The following C10orf67 variants were observed in gnomAD, a reference collection of about 807,000 sequenced individuals.
C10orf67 encodes chromosome 10 open reading frame 67, also known as uncharacterized protein C10orf67, mitochondrial.
Under a neutral mutation model 35.6 loss-of-function variants are expected in C10orf67, and 60 were observed. The ratio of observed to expected loss-of-function variants is 1.68; its 90% CI spans 1.37 to 2.09. The LOEUF (loss-of-function observed/expected upper bound fraction) is 2.09. Among genes scored for constraint, C10orf67 ranks in the 30% most tolerant of loss-of-function variants. C10orf67 has a pLI of 0.00. For missense variants in C10orf67, 474 were observed against 330.2 expected (o/e 1.44, Z -3.38); for synonymous variants, 167 against 115.8 (o/e 1.44, Z -2.84).
chr10:23,296,104 T>C (rs1843872134), intron 5 of C10orf67, among the ~76,000 whole-genome samples: 1 of 152,234 alleles, frequency 6.6e-6, no homozygotes, highest in Non-Finnish European at 1.5e-5. Context: ...CCATAAGTGT[T>C]TCTTCCTAGT....
intron 15 of C10orf67, among the ~76,000 whole-genome samples, chr10:23,205,154 G>T (rs1841124727): frequency 6.6e-6 from 1 of 152,206 alleles, no homozygotes; most frequent in Non-Finnish European, 1.5e-5. Context: ...GCCTATCTGG[G>T]TCAAGTCTTT....
At chr10:23,282,870 T>C (rs1160836539) in intron 7 of C10orf67, among the ~76,000 whole-genome samples, 1 of 151,792 alleles carries the variant, frequency 6.6e-6, no homozygotes, top group African/African-American at 2.4e-5. Context: ...ATTGAAACAA[T>C]TGAACTTACG....
chr10:23,330,260 C>T lies in C10orf67; in HGVS notation c.327+2802G>A, dbSNP rs547724573. Among the ~76,000 whole-genome samples the T allele has an allele frequency of 3.5e-3, 533 of 151,692 alleles. 3 individuals are homozygous for T. The highest frequency in any genetic ancestry group is 5.5e-3 in the Non-Finnish European group (374 of 67,922). On this transcript the variant is annotated intron_variant, in intron 2 of 15. Coordinates refer to ENST00000636213, the MANE Select transcript of C10orf67 (RefSeq NM_001371909.1). Reference sequence around the variant, plus strand: ...ATCACTCGAGGCCAGGGATTTGGGACCAGCTTGGGCAACATATTGAGACTC... The same window carrying T: ...ATCACTCGAGGCCAGGGATTTGGGATCAGCTTGGGCAACATATTGAGACTC...
chr10:23,310,969 AT>A (rs140964191), intron 4 of C10orf67, among the ~76,000 whole-genome samples: 25 of 149,286 alleles, frequency 1.7e-4, no homozygotes, highest in African/African-American at 3.7e-4. Flanking sequence ...GCTGGCATCT[AT>A]TTTTTTTTTC....
intron 13 of C10orf67, among the ~76,000 whole-genome samples, chr10:23,229,135 G>A (rs765583191): frequency 6.2e-4 from 94 of 152,020 alleles, no homozygotes; most frequent in African/African-American, 2.1e-3. Flanking sequence ...ACATGCACAC[G>A]TATGTTCACT....
chr10:23,278,188 A>G (rs1172278767), intron 8 of C10orf67, among the ~76,000 whole-genome samples: 1 of 152,218 alleles, frequency 6.6e-6, no homozygotes, highest in Non-Finnish European at 1.5e-5. Context: ...TCCAAACTGT[A>G]TCACCATCTA....
chr10:23,230,569 G>A (rs1400953669), intron 13 of C10orf67, among the ~76,000 whole-genome samples: 1 of 151,966 alleles, frequency 6.6e-6, no homozygotes, highest in Non-Finnish European at 1.5e-5. Flanking sequence ...AACTGGTAAA[G>A]GATTAGTATC....
chr10:23,228,165 C>T (rs1032784361), intron 13 of C10orf67, among the ~76,000 whole-genome samples: 2 of 152,138 alleles, frequency 1.3e-5, no homozygotes, highest in Non-Finnish European at 2.9e-5. Context: ...AAGCTGGAGG[C>T]ATCACACTAC....
rs557366932 is a variant in C10orf67, at chr10:23,268,804, C to T, written c.976-1550G>A. Among the ~76,000 whole-genome samples the T allele has an allele frequency of 1.5e-4, 23 of 152,318 alleles. No homozygotes were observed. In the South Asian group the frequency reaches 4.8e-3, roughly 32 times the overall value. On this transcript the variant is annotated intron_variant, in intron 8 of 15. Coordinates refer to ENST00000636213, the MANE Select transcript of C10orf67 (RefSeq NM_001371909.1). Reference sequence around the variant, plus strand: ...ACACGCCTAGACTTTACGGCATAGCCTATTGTTCCTAGGCCACAAACCTGA... The same window carrying T: ...ACACGCCTAGACTTTACGGCATAGCTTATTGTTCCTAGGCCACAAACCTGA...
intron 10 of C10orf67, 94 bp from the exon 11 acceptor site, chr10:23,250,785 C>T (rs986393361): frequency 2.5e-6 from 1 of 396,374 alleles, no homozygotes; most frequent in African/African-American, 2.1e-5. Context: ...AAATAGTATG[C>T]ATACTCTAAC....
At chr10:23,274,669 T>C (rs968827517) in intron 8 of C10orf67, among the ~76,000 whole-genome samples, 17 of 152,276 alleles carry the variant, frequency 1.1e-4, no homozygotes, top group African/African-American at 3.1e-4. Context: ...TGATTTTATA[T>C]TGTTCAAATA....
intron 1 of C10orf67, among the ~76,000 whole-genome samples, chr10:23,334,409 A>G (rs1845594527): frequency 6.6e-6 from 1 of 152,234 alleles, no homozygotes; most frequent in Admixed American, 6.5e-5. Context: ...AGAACCACAA[A>G]AGCCCAAGTA....
At chr10:23,236,923 T>C (rs990887107) in intron 13 of C10orf67, among the ~76,000 whole-genome samples, 1 of 152,114 alleles carries the variant, frequency 6.6e-6, no homozygotes, top group African/African-American at 2.4e-5. Context: ...AGGGGGTACA[T>C]GGCAGGTTTG....
chr10:23,320,894 GT>G, intron 3 of C10orf67, 79 bp from the exon 4 acceptor site: 1 of 917,636 alleles, frequency 1.1e-6, no homozygotes. Flanking sequence ...GGGACTCATA[GT>G]AAAAAAACAT....
intron 15 of C10orf67, among the ~76,000 whole-genome samples, chr10:23,212,842 A>T (rs1220938742): frequency 6.6e-6 from 1 of 151,250 alleles, no homozygotes; most frequent in Non-Finnish European, 1.5e-5. Context: ...ATGCAAACCT[A>T]AGTTCCAAAA....
chr10:23,289,362 CTA>C (rs201185850), intron 7 of C10orf67, among the ~76,000 whole-genome samples: 1 of 152,130 alleles, frequency 6.6e-6, no homozygotes, highest in East Asian at 1.9e-4. Context: ...AGGGGTCTCA[CTA>C]TGTTTTCCAG....
intron 12 of C10orf67, among the ~76,000 whole-genome samples, chr10:23,243,527 T>C (rs935476089): frequency 2.0e-5 from 3 of 150,658 alleles, no homozygotes; most frequent in Non-Finnish European, 4.4e-5. Context: ...CTACTAAAAA[T>C]AGAAAAAAAA....
At chr10:23,275,419 G>A (rs1843159613) in intron 8 of C10orf67, among the ~76,000 whole-genome samples, 1 of 152,176 alleles carries the variant, frequency 6.6e-6, no homozygotes, top group South Asian at 2.1e-4. Flanking sequence ...AACCCTTCGG[G>A]AAGAGATTGT....
intron 15 of C10orf67, among the ~76,000 whole-genome samples, chr10:23,216,921 T>C (rs761641775): frequency 1.9e-4 from 29 of 152,210 alleles, no homozygotes; most frequent in Non-Finnish European, 8.8e-5. Flanking sequence ...GTCTTACTTT[T>C]ATGACTCAAG....
Sources: gnomAD v4.1 joint callset for allele counts (sites outside exome capture counted in the v4.1 genomes callset) on GRCh38, gnomAD v4.1.1 for gene constraint, MANE v1.5 for transcripts, NCBI Gene and HGNC (gene_info 2026-07-23, HGNC 2026-07-21) for gene names.